Variants in PITPNA observed in about 807,000 individuals in gnomAD.
PITPNA encodes phosphatidylinositol transfer protein alpha isoform.
In PITPNA, 13 loss-of-function variants were observed where a neutral mutation model predicts 50.3. The observed-to-expected ratio is 0.26, with a 90% confidence interval of 0.17 to 0.41. The LOEUF is 0.41. Ranked by LOEUF, PITPNA falls within the 10% of genes least tolerant of loss-of-function variation. The probability of loss-of-function intolerance (pLI) is 1.00; values close to 1 mark genes in which losing one functional copy is unlikely to be tolerated. For synonymous variants in PITPNA, 120 were observed against 119.6 expected (o/e 1.00, Z -0.02); for missense variants, 207 against 333.4 (o/e 0.62, Z 2.95).
chr17:1,522,071 C>CTTTTTT (rs1555530261), intron 10 of PITPNA, among the ~76,000 whole-genome samples: 3 of 141,618 alleles, frequency 2.1e-5, no homozygotes, highest in African/African-American at 8.1e-5. Context: ...TATGAAACAT[C>CTTTTTT]TTTTTTTTTT....
rs925924730 is a variant in PITPNA, at chr17:1,519,503, A to G, written c.*1058T>C. On this transcript the variant is annotated 3_prime_UTR_variant, in exon 12 of 12. Coordinates refer to ENST00000313486, the MANE Select transcript of PITPNA (RefSeq NM_006224.4). Reference sequence around the variant, plus strand: ...AGGACGAGCTAAGTTCTTGATCCCCAAATTCCTTTCCGGCAACTGGAGACG... The same window carrying G: ...AGGACGAGCTAAGTTCTTGATCCCCGAATTCCTTTCCGGCAACTGGAGACG... 6.5e-6 allele frequency: 1 copy of G among 152,690 alleles called. No individual in the cohort carries two copies. 9.5% of individuals were successfully genotyped at this position (152,690 alleles called of 1,614,324 possible).
In PITPNA at chr17:1,562,645, G is replaced by T; in HGVS notation, c.-85C>A. On this transcript the variant is annotated 5_prime_UTR_variant, in exon 1 of 12. Transcript: ENST00000313486. The surrounding 1 kb of genome is among the most constrained non-coding windows in gnomAD (Gnocchi z 6.4). Reference sequence around the variant, plus strand: ...GGCCGCTCTCCCCGTGGCCCGGCCCGGCCCGGCTGCCTGTGCGTCTTCGTC... The same window carrying T: ...GGCCGCTCTCCCCGTGGCCCGGCCCTGCCCGGCTGCCTGTGCGTCTTCGTC... 1 of 985,124 alleles carries T rather than the reference G, an allele frequency of 1.0e-6. No homozygotes were observed. The highest frequency in any genetic ancestry group is 1.3e-6 in the Non-Finnish European group (1 of 785,598). The allele number at this position is 985,124 out of a possible 1,614,324, so 61.0% of individuals were successfully genotyped here. A position where few individuals can be genotyped will look rare whatever the true frequency, so the allele number is the denominator to read the frequency against.
chr17:1,547,373 A>G (rs1251420048), intron 4 of PITPNA, among the ~76,000 whole-genome samples: 3 of 152,004 alleles, frequency 2.0e-5, no homozygotes, highest in Non-Finnish European at 1.5e-5. Flanking sequence ...AAGCAATTAA[A>G]AAATTAGTAA....
At position 1,525,137 on chromosome 17, in the gene PITPNA, A is replaced by G. The variant is rs186238033; in HGVS notation, c.769-3492T>C. Among the ~76,000 whole-genome samples, 222 of 151,496 alleles carry G rather than the reference A, an allele frequency of 1.5e-3. 1 individual carries two copies. The highest frequency in any genetic ancestry group is 4.9e-3 in the African/African-American group (204 of 41,304). ...CCTGAGTAGCTGGGATTACAAGTGC[A>G]CACCACCACGCCTGGCTAATTTTTG... On this transcript the variant is annotated intron_variant, in intron 10 of 11. Transcript: ENST00000313486.
intron 5 of PITPNA, 27 bp downstream of exon 5, chr17:1,542,993 A>G: frequency 6.4e-7 from 1 of 1,562,496 alleles, no homozygotes; most frequent in Non-Finnish European, 8.7e-7. Context: ...CATCATCTAC[A>G]GTTCCAACCC....
At position 1,521,571 on chromosome 17, in the gene PITPNA, G is replaced by C; in HGVS notation, c.*22+8C>G. The C allele has an allele frequency of 6.3e-7, 1 of 1,595,606 alleles. No homozygotes were observed. Among genetic ancestry groups the C allele is most frequent in the Non-Finnish European group, 8.6e-7 (1 of 1,163,156 alleles). On this transcript the variant is annotated splice_region_variant and intron_variant, in intron 11 of 11. Transcript: ENST00000313486. ...TGTGACACGCACAGTGAGAAATTTG[G>C]TACGTACAGTGCAGAGGGGAAAGGC...
At chr17:1,532,101 T>C (rs1290728811) in intron 10 of PITPNA, among the ~76,000 whole-genome samples, 2 of 152,200 alleles carry the variant, frequency 1.3e-5, no homozygotes, top group Admixed American at 6.5e-5. Context: ...TTTCTTTTTT[T>C]CCTTGAGACG....
intron 3 of PITPNA, among the ~76,000 whole-genome samples, chr17:1,552,153 C>G (rs2075713079): frequency 6.6e-6 from 1 of 152,238 alleles, no homozygotes; most frequent in Non-Finnish European, 1.5e-5. Flanking sequence ...AAATTAAGAT[C>G]CAGCTTTCAG....
chr17:1,562,521 C>A lies in PITPNA; in HGVS notation c.20+20G>T. On this transcript the variant is annotated intron_variant, in intron 1 of 11. Coordinates refer to ENST00000313486, the MANE Select transcript of PITPNA (RefSeq NM_006224.4). This position sits in a 1 kb window ranked among gnomAD's most constrained non-coding sequence, Gnocchi z 6.4. Reference sequence around the variant, plus strand: ...CCACCCTCCCTCCTCCCCGCTTCCGCACGGCCGCCGGACACTCACTACTCC... The same window carrying A: ...CCACCCTCCCTCCTCCCCGCTTCCGAACGGCCGCCGGACACTCACTACTCC... The A allele has an allele frequency of 7.0e-7, 1 of 1,432,502 alleles. No homozygotes were observed. The highest frequency in any genetic ancestry group is 9.2e-7 in the Non-Finnish European group (1 of 1,087,208). The allele number at this position is 1,432,502 out of a possible 1,614,324, so 88.7% of individuals were successfully genotyped here. A position where few individuals can be genotyped will look rare whatever the true frequency, so the allele number is the denominator to read the frequency against.
At chr17:1,537,075 T>TC in intron 7 of PITPNA, among the ~76,000 whole-genome samples, 1 of 151,746 alleles carries the variant, frequency 6.6e-6, no homozygotes, top group East Asian at 1.9e-4. Flanking sequence ...ATTTTGTATT[T>TC]TTTTTTTTTG....
intron 1 of PITPNA, among the ~76,000 whole-genome samples, chr17:1,560,360 A>ACG (rs1372987103): frequency 6.6e-5 from 10 of 151,256 alleles, no homozygotes; most frequent in African/African-American, 2.4e-4. Context: ...CAGGGCTGCA[A>ACG]CGCTGCGGCC....
At chr17:1,543,433 C>T (rs1013900313) in intron 4 of PITPNA, among the ~76,000 whole-genome samples, 2 of 152,182 alleles carry the variant, frequency 1.3e-5, no homozygotes, top group Non-Finnish European at 2.9e-5. Context: ...TTTGGCCATG[C>T]ACTGTATCTG....
chr17:1,554,464 G>A (rs1204600018), intron 2 of PITPNA, among the ~76,000 whole-genome samples: 4 of 128,710 alleles, frequency 3.1e-5, no homozygotes, highest in Non-Finnish European at 6.3e-5. Flanking sequence ...TGCAACCTCC[G>A]CCTCCTGGGT....
In PITPNA at chr17:1,519,991, C is replaced by G. The variant is rs1044933326; in HGVS notation, c.*570G>C. The stretch of plus-strand genomic sequence containing the variant: ...CCTCCATAGTGCTAGAGTGCCCTAA[C>G]GATGGGTTACTGGGAGCAGAAGTCA... On this transcript the variant is annotated 3_prime_UTR_variant, in exon 12 of 12. Coordinates refer to ENST00000313486, the MANE Select transcript of PITPNA (RefSeq NM_006224.4). 4 of 152,162 alleles carry G rather than the reference C, an allele frequency of 2.6e-5. 1 individual carries two copies. The South Asian group carries it at 6.2e-4, about 24-fold the overall frequency. The allele number at this position is 152,162 out of a possible 1,614,324, so 9.4% of individuals were successfully genotyped here.
chr17:1,532,778 C>T (rs977665732), intron 10 of PITPNA, among the ~76,000 whole-genome samples: 1 of 152,164 alleles, frequency 6.6e-6, no homozygotes, highest in Non-Finnish European at 1.5e-5. Flanking sequence ...AGATCCTTAG[C>T]GAAAGAATCA....
At chr17:1,525,504 CTTTTT>C in intron 10 of PITPNA, among the ~76,000 whole-genome samples, 1 of 101,714 alleles carries the variant, frequency 9.8e-6, no homozygotes, top group South Asian at 3.1e-4. Context: ...CACTGGGAAA[CTTTTT>C]TTTTTTTTTT....
chr17:1,526,055 T>C (rs1385730260), intron 10 of PITPNA, among the ~76,000 whole-genome samples: 1 of 152,184 alleles, frequency 6.6e-6, no homozygotes, highest in East Asian at 1.9e-4. Context: ...CTTGAAGATG[T>C]GGCCAGTTAC....
intron 3 of PITPNA, 29 bp from the exon 4 acceptor site, chr17:1,548,416 G>C: frequency 6.8e-7 from 1 of 1,476,378 alleles, no homozygotes; most frequent in Non-Finnish European, 9.3e-7. Context: ...GGGGTATAAA[G>C]AGAAATGGTA....
intron 4 of PITPNA, among the ~76,000 whole-genome samples, chr17:1,547,491 A>C (rs1282892018): frequency 6.6e-6 from 1 of 152,016 alleles, no homozygotes; most frequent in African/African-American, 2.4e-5. Flanking sequence ...CTCTACTAAA[A>C]ATACAAAAAT....
Sources: allele counts gnomAD v4.1 joint callset (sites outside exome capture counted in the v4.1 genomes callset), GRCh38; gene constraint gnomAD v4.1.1; non-coding constraint Gnocchi (gnomAD v3.1); transcripts MANE v1.5; gene names NCBI Gene and HGNC (gene_info 2026-07-23, HGNC 2026-07-21).